The following ARAP3 variants were observed in gnomAD, a reference collection of about 807,000 sequenced individuals.
ARAP3 encodes the protein arf-GAP with Rho-GAP domain, ANK repeat and PH domain-containing protein 3.
In ARAP3, 82 loss-of-function variants were observed where a neutral mutation model predicts 169.2. That is an observed-to-expected ratio of 0.48 (90% confidence interval 0.41 to 0.58). The LOEUF is 0.58. ARAP3 is among the 20% of genes least tolerant of loss of function. The probability of loss-of-function intolerance (pLI) is 0.00; values close to 1 mark genes in which losing one functional copy is unlikely to be tolerated. For synonymous variants in ARAP3, 791 were observed against 800.3 expected (o/e 0.99, Z 0.20); for missense variants, 1,764 against 2,018.0 (o/e 0.87, Z 2.41).
rs754024554 is a variant in ARAP3, at chr5:141,671,923, G to A, written c.1643C>T (p.Thr548Met). The A allele has an allele frequency of 1.1e-5, 17 of 1,613,974 alleles. No individual in the cohort carries two copies. Among genetic ancestry groups the A allele is most frequent in the South Asian group, 9.9e-5 (9 of 91,082 alleles). The change falls in exon 11 of 33, where the codon ACG (threonine) becomes ATG (methionine). Residue 548 changes from threonine to methionine, a missense_variant. Thr to Met is a moderately conservative substitution (Grantham distance 81). Coordinates refer to ENST00000239440, the MANE Select transcript of ARAP3 (RefSeq NM_022481.6). This position sits in a 1 kb window ranked among gnomAD's most constrained non-coding sequence, Gnocchi z 4.9. ...TACTATCTCATTACTCCAGACACTCGTGTCCAGCTTCAGGCTCTGCACCTT... is the reference window on the plus strand; with the variant it reads ...TACTATCTCATTACTCCAGACACTCATGTCCAGCTTCAGGCTCTGCACCTT... ...ISKVQSLKLD[T>M]SVWSNEIVQL...
intron 6 of ARAP3, 114 bp downstream of exon 6, chr5:141,673,287 A>C (rs2099911687): frequency 3.9e-6 from 6 of 1,555,718 alleles, no homozygotes; most frequent in Non-Finnish European, 5.3e-6. Flanking sequence ...GACATCAGTC[A>C]TGCAGTCACT....
At chr5:141,666,873 T>C in intron 16 of ARAP3, 1 of 405,176 alleles carries the variant, frequency 2.5e-6, no homozygotes, top group Non-Finnish European at 4.4e-6. Flanking sequence ...TCAATTCAGT[T>C]TGCTCTCCCC....
chr5:141,660,826 C>T (rs1004187268), intron 21 of ARAP3, among the ~76,000 whole-genome samples: 2 of 151,876 alleles, frequency 1.3e-5, no homozygotes, highest in East Asian at 3.9e-4. Context: ...ATGGCTTCTC[C>T]CCAGAATTGC....
chr5:141,680,184 C>T lies in ARAP3; in HGVS notation c.303G>A (p.Val101=). ...TGGCAGGGCCACTGAGTCCACCAAACACGGTCCTGGGCTTCGGCACGGGCT... is the reference window on the plus strand; with the variant it reads ...TGGCAGGGCCACTGAGTCCACCAAATACGGTCCTGGGCTTCGGCACGGGCT... ...PPKPVPKPRT[V]FGGLSGPATT... The change falls in exon 2 of 33, where the codon GTG becomes GTA. Residue 101 remains valine, a synonymous_variant. Transcript: ENST00000239440. The T allele has an allele frequency of 6.2e-7, 1 of 1,609,430 alleles. No individual in the cohort carries two copies. Among genetic ancestry groups the T allele is most frequent in the South Asian group, 1.1e-5 (1 of 90,650 alleles).
intron 16 of ARAP3, among the ~76,000 whole-genome samples, chr5:141,668,555 C>T (rs560483503): frequency 7.9e-5 from 12 of 152,304 alleles, no homozygotes; most frequent in African/African-American, 2.6e-4. Context: ...CAGCACCCTC[C>T]GGGTAGCACT....
At chr5:141,661,630 G>A in intron 21 of ARAP3, 54 bp downstream of exon 21, 1 of 1,482,010 alleles carries the variant, frequency 6.7e-7, no homozygotes, top group Non-Finnish European at 9.4e-7. Context: ...GAATGAAAGT[G>A]CAGGGTCAGA....
chr5:141,665,909 T>C (rs2099910562), intron 17 of ARAP3, among the ~76,000 whole-genome samples: 1 of 151,696 alleles, frequency 6.6e-6, no homozygotes, highest in African/African-American at 2.4e-5. Flanking sequence ...CGGACACCTG[T>C]AATCCCAGCT....
Position 141,654,147 on chromosome 5 carries a change from A to C in ARAP3, c.4438T>G (p.Ser1480Ala). Residue 1480 changes from serine to alanine, a missense_variant, in exon 33 of 33, where the codon TCC becomes GCC. Physicochemically the swap from Ser to Ala is moderately conservative, Grantham distance 99 (BLOSUM62 1). This residue lies in a region of ARAP3 where 1,112 missense variants were observed against 1,285.7 expected (regional missense o/e 0.86). Coordinates refer to ENST00000239440, the MANE Select transcript of ARAP3 (RefSeq NM_022481.6). ...TCCTGGAGCAGCTGTTCCTCTAGGG[A>C]CCCCCGTGCCTGGGGACTGCTCTTT... is the stretch of plus-strand genomic sequence containing the variant. ...PSKSSPQARG[S>A]LEEQLLQELS... 2.5e-6 allele frequency: 4 copies of C among 1,612,040 alleles called. No individual in the cohort carries two copies. Among genetic ancestry groups the C allele is most frequent in the Non-Finnish European group, 3.4e-6 (4 of 1,179,294 alleles).
chr5:141,655,593 C>G (rs375543507), intron 31 of ARAP3, 28 bp downstream of exon 31: 4 of 1,598,422 alleles, frequency 2.5e-6, no homozygotes, highest in Non-Finnish European at 3.4e-6. Context: ...CGACAGGAAT[C>G]GGGTTGGGGC....
intron 19 of ARAP3, among the ~76,000 whole-genome samples, 162 bp downstream of exon 19, chr5:141,664,760 G>A (rs2099910417): frequency 1.3e-5 from 2 of 152,168 alleles, no homozygotes; most frequent in Non-Finnish European, 2.9e-5. Context: ...AAAGCAGCCT[G>A]CCAAGAGTCA....
rs2099909300 is a variant in ARAP3 at position 141,656,581 on chromosome 5, G to C, written c.3712C>G (p.Arg1238Gly). 1.2e-6 allele frequency: 2 copies of C among 1,612,916 alleles called. No individual in the cohort carries two copies. Among genetic ancestry groups the C allele is most frequent in the Non-Finnish European group, 8.5e-7 (1 of 1,179,572 alleles). ...TCCTGGAAGCGGCTTCCCAGCAAGC[G>C]AGGTGGCTCCTCACGACACCGCAAC... ...GLLRCREEPP[R>G]LLGSRFQERF... Residue 1238 changes from arginine to glycine, a missense_variant, in exon 27 of 33, where the codon CGC (arginine) becomes GGC (glycine). Around this residue, in one of 3 missense-constraint regions of ARAP3, gnomAD observed 1,112 missense variants for 1,285.7 expected, o/e 0.86. Coordinates refer to ENST00000239440, the MANE Select transcript of ARAP3 (RefSeq NM_022481.6).
rs2099911493 is a variant in ARAP3, at chr5:141,671,851, G to A, written c.1671+44C>T. ...GCTGGCCCAAGGCCTGCTTCTGGACGCTCCCTTCTACGCCTCCCACCTTCT... is the reference window on the plus strand; with the variant it reads ...GCTGGCCCAAGGCCTGCTTCTGGACACTCCCTTCTACGCCTCCCACCTTCT... On this transcript the variant is annotated intron_variant, in intron 11 of 32. Coordinates refer to ENST00000239440, the MANE Select transcript of ARAP3 (RefSeq NM_022481.6). This position sits in a 1 kb window ranked among gnomAD's most constrained non-coding sequence, Gnocchi z 4.9. 1.9e-6 allele frequency: 3 copies of A among 1,613,510 alleles called. No homozygotes were observed. Among genetic ancestry groups the A allele is most frequent in the African/African-American group, 1.3e-5 (1 of 75,028 alleles).
chr5:141,677,595 C>T (rs758648929), intron 4 of ARAP3, among the ~76,000 whole-genome samples: 11 of 152,188 alleles, frequency 7.2e-5, no homozygotes, highest in Non-Finnish European at 1.6e-4. Context: ...AAAAACCTCC[C>T]CACTGGTCTC....
chr5:141,654,337 C>G lies in ARAP3; in HGVS notation c.4248G>C (p.Glu1416Asp), dbSNP rs892123093. Reference sequence around the variant, plus strand: ...AGGAGGTAGAAGTGTCCTGGATCAACTCAGGGAAGGCCCCTACTTCCTCAT... The same window carrying G: ...AGGAGGTAGAAGTGTCCTGGATCAAGTCAGGGAAGGCCCCTACTTCCTCAT... Reference protein sequence around the residue: ...PVYEEVGAFPELIQDTSTSFS... With the variant: ...PVYEEVGAFPDLIQDTSTSFS... Residue 1416 changes from glutamate (E) to aspartate (D), a missense_variant, in exon 33 of 33, where the codon GAG becomes GAC. Around this residue, in one of 3 missense-constraint regions of ARAP3, gnomAD observed 1,112 missense variants for 1,285.7 expected, o/e 0.86. Coordinates refer to ENST00000239440, the MANE Select transcript of ARAP3 (RefSeq NM_022481.6). 6.2e-7 allele frequency: 1 copy of G among 1,614,110 alleles called. No individual in the cohort carries two copies. The highest frequency in any genetic ancestry group is 8.5e-7 in the Non-Finnish European group (1 of 1,179,990).
intron 4 of ARAP3, among the ~76,000 whole-genome samples, chr5:141,678,684 C>T (rs566063278): frequency 6.6e-6 from 1 of 151,910 alleles, no homozygotes; most frequent in African/African-American, 2.4e-5. Context: ...GACGGAGTTT[C>T]ATCCTGTTGG....
chr5:141,675,045 A>G (rs1017901108), intron 4 of ARAP3, among the ~76,000 whole-genome samples: 2 of 152,098 alleles, frequency 1.3e-5, no homozygotes, highest in Non-Finnish European at 2.9e-5. Flanking sequence ...CCCGTAGGCC[A>G]CTCCCCTGAC....
At chr5:141,678,541 C>T (rs1315475100) in intron 4 of ARAP3, among the ~76,000 whole-genome samples, 1 of 151,976 alleles carries the variant, frequency 6.6e-6, no homozygotes, top group African/African-American at 2.4e-5. Context: ...CCCCCAAGCC[C>T]TCTTTTTTTT....
At chr5:141,659,239 C>A (rs1481015176) in intron 23 of ARAP3, among the ~76,000 whole-genome samples, 169 bp downstream of exon 23, 1 of 152,116 alleles carries the variant, frequency 6.6e-6, no homozygotes, top group East Asian at 1.9e-4. Flanking sequence ...CTAACCAAAC[C>A]CCACTCCCCA....
chr5:141,679,903 C>T, intron 2 of ARAP3, 60 bp downstream of exon 2: 2 of 1,612,250 alleles, frequency 1.2e-6, no homozygotes, highest in South Asian at 1.1e-5. Context: ...CCTCCGTCCC[C>T]CTCATGCTCT....
Sources: allele counts gnomAD v4.1 joint callset (sites outside exome capture counted in the v4.1 genomes callset), GRCh38; gene constraint gnomAD v4.1.1; regional missense constraint gnomAD v4.1.1; non-coding constraint Gnocchi (gnomAD v3.1); transcripts MANE v1.5; gene names NCBI Gene and HGNC (gene_info 2026-07-23, HGNC 2026-07-21).